The following MOCOS variants were observed in gnomAD, a reference collection of about 807,000 sequenced individuals.
MOCOS encodes the protein human molybdenum cofactor sulfurase.
Under a neutral mutation model 83.6 loss-of-function variants are expected in MOCOS, and 86 were observed. The ratio of observed to expected loss-of-function variants is 1.03; its 90% CI spans 0.86 to 1.23. MOCOS has a LOEUF of 1.23. Among genes scored for constraint, MOCOS ranks in the 50% most tolerant of loss-of-function variants. The pLI, the probability that MOCOS is intolerant of heterozygous loss-of-function variation, is 0.00. For missense variants in MOCOS, 1,120 were observed against 1,126.9 expected (o/e 0.99, Z 0.09); for synonymous variants, 445 against 434.7 (o/e 1.02, Z -0.29).
intron 7 of MOCOS, among the ~76,000 whole-genome samples, chr18:36,214,333 G>A (rs2091467666): frequency 6.6e-6 from 1 of 150,444 alleles, no homozygotes; most frequent in African/African-American, 2.4e-5. Context: ...TTTTTACTTT[G>A]AGGCCAACCA....
chr18:36,237,515 C>G (rs1297628977), intron 9 of MOCOS, among the ~76,000 whole-genome samples: 2 of 152,092 alleles, frequency 1.3e-5, no homozygotes, highest in African/African-American at 4.8e-5. Flanking sequence ...TTTTTGATGT[C>G]CTGCTGGATT....
chr18:36,271,792 C>T lies in MOCOS; in HGVS notation c.*3107C>T, dbSNP rs937449889. The T allele has an allele frequency of 6.6e-6, 1 of 152,186 alleles. No homozygotes were observed. Among genetic ancestry groups the T allele is most frequent in the African/African-American group, 2.4e-5 (1 of 41,438 alleles). 9.4% of individuals were successfully genotyped at this position (152,186 alleles called of 1,614,324 possible). On this transcript the variant is annotated 3_prime_UTR_variant, in exon 15 of 15. Transcript: ENST00000261326. Reference sequence around the variant, plus strand: ...AAGGAGGGTGGCGGTGCTGACTTCTCCCCATTGAGAGTCAGCCTCATCCCC... The same window carrying T: ...AAGGAGGGTGGCGGTGCTGACTTCTTCCCATTGAGAGTCAGCCTCATCCCC...
chr18:36,192,470 G>T (rs1448607987), intron 1 of MOCOS, among the ~76,000 whole-genome samples: 2 of 152,296 alleles, frequency 1.3e-5, no homozygotes, highest in East Asian at 3.9e-4. Flanking sequence ...TAAATGGAAA[G>T]ATATCCTGTA....
At chr18:36,231,653 C>T (rs1021523554) in intron 9 of MOCOS, among the ~76,000 whole-genome samples, 1 of 152,162 alleles carries the variant, frequency 6.6e-6, no homozygotes, top group African/African-American at 2.4e-5. Context: ...ACACTCTATG[C>T]TGATATCTTT....
intron 9 of MOCOS, among the ~76,000 whole-genome samples, chr18:36,234,225 G>T (rs1474428773): frequency 6.6e-6 from 1 of 152,160 alleles, no homozygotes; most frequent in Non-Finnish European, 1.5e-5. Flanking sequence ...GAGAGATAAG[G>T]ATCCATTTTC....
rs376541030 is a variant in MOCOS, at chr18:36,215,766, T to C, written c.1586T>C (p.Leu529Pro). The change falls in exon 8 of 15, where the codon CTC (leucine) becomes CCC (proline). Residue 529 changes from leucine to proline, a missense_variant. Transcript: ENST00000261326. ...VIPAVMGRRS[L>P]SPQEDALTGS... is the part of the protein sequence containing the mutation. ...CCTGCTGTCATGGGCAGACGTAGCC[T>C]CTCGCCTCAGGAAGATGCCCTCACA... 7 of 1,614,018 alleles carry C rather than the reference T, an allele frequency of 4.3e-6. No homozygotes were observed. Among genetic ancestry groups the C allele is most frequent in the Non-Finnish European group, 5.9e-6 (7 of 1,180,050 alleles).
At chr18:36,210,316 T>A (rs979608089) in intron 6 of MOCOS, among the ~76,000 whole-genome samples, 1 of 152,090 alleles carries the variant, frequency 6.6e-6, no homozygotes, top group Non-Finnish European at 1.5e-5. Context: ...TCCTCACTGG[T>A]GTTCAGGGCA....
intron 11 of MOCOS, among the ~76,000 whole-genome samples, chr18:36,256,337 C>T (rs1327474844): frequency 1.3e-5 from 2 of 152,232 alleles, no homozygotes; most frequent in Non-Finnish European, 2.9e-5. Flanking sequence ...TGCCTTGCTC[C>T]GTCCTATCCA....
intron 8 of MOCOS, among the ~76,000 whole-genome samples, chr18:36,216,974 G>A (rs542038951): frequency 6.6e-5 from 10 of 152,268 alleles, no homozygotes; most frequent in African/African-American, 2.4e-4. Context: ...CCCACCTTAA[G>A]AGACATTTAG....
intron 1 of MOCOS, among the ~76,000 whole-genome samples, chr18:36,191,393 G>T (rs1327053634): frequency 6.6e-6 from 1 of 152,194 alleles, no homozygotes; most frequent in South Asian, 2.1e-4. Flanking sequence ...AGAGTCAATT[G>T]CTGTCACTCA....
chr18:36,254,168 C>G (rs1022407958), intron 11 of MOCOS, among the ~76,000 whole-genome samples: 10 of 152,184 alleles, frequency 6.6e-5, no homozygotes, highest in African/African-American at 2.4e-4. Flanking sequence ...CTCTGGCAGT[C>G]TAAGCCATTG....
chr18:36,216,339 T>C lies in MOCOS; in HGVS notation c.1797+362T>C, dbSNP rs150847286. Reference sequence around the variant, plus strand: ...AGATAGTAATATTATCCCTATTTTATAGATATGGAGCCTGAGGGTTTTGAG... The same window carrying C: ...AGATAGTAATATTATCCCTATTTTACAGATATGGAGCCTGAGGGTTTTGAG... On this transcript the variant is annotated intron_variant, in intron 8 of 14. Transcript: ENST00000261326. Among the ~76,000 whole-genome samples, 3 of 152,220 alleles carry C rather than the reference T, an allele frequency of 2.0e-5. No individual in the cohort carries two copies. In the South Asian group the frequency reaches 6.2e-4, roughly 31 times the overall value.
intron 6 of MOCOS, among the ~76,000 whole-genome samples, chr18:36,211,142 G>A (rs1056340604): frequency 6.6e-6 from 1 of 152,154 alleles, no homozygotes; most frequent in Non-Finnish European, 1.5e-5. Context: ...GGAACTTCAC[G>A]ATATGGGAAT....
At chr18:36,197,554 CAGG>C (rs1442917523) in intron 2 of MOCOS, among the ~76,000 whole-genome samples, 1 of 151,952 alleles carries the variant, frequency 6.6e-6, no homozygotes, top group Non-Finnish European at 1.5e-5. Context: ...TGCTTGAGCC[CAGG>C]AGTTCAAGAC....
At chr18:36,259,091 G>A (rs573950321) in intron 12 of MOCOS, among the ~76,000 whole-genome samples, 1 of 149,038 alleles carries the variant, frequency 6.7e-6, no homozygotes, top group African/African-American at 2.4e-5. Flanking sequence ...GGTGGGGGGT[G>A]CAGAGGGCCA....
In MOCOS at chr18:36,207,182, G is replaced by A. The variant is rs1568052160; in HGVS notation, c.1218+1906G>A. On this transcript the variant is annotated intron_variant, in intron 6 of 14. Transcript: ENST00000261326. ...CTCTCAAGTAGTTGGAATTACAGAT[G>A]TGCACCACTACGCCCGGTTAATTTT... 3.3e-5 allele frequency among the ~76,000 whole-genome samples: 5 copies of A among 152,052 alleles called. No individual in the cohort carries two copies. The South Asian group carries it at 1.0e-3, about 31-fold the overall frequency.
rs2091489804 is a variant in MOCOS, at chr18:36,219,929, C to T, written c.1798-126C>T. The T allele has an allele frequency of 5.7e-6, 7 of 1,231,540 alleles. No homozygotes were observed. The South Asian group carries it at 7.5e-5, about 13-fold the overall frequency. 76.3% of individuals were successfully genotyped at this position (1,231,540 alleles called of 1,614,324 possible). On this transcript the variant is annotated intron_variant, in intron 8 of 14. Transcript: ENST00000261326. ...CTGTTTTAGTTTCTTCTCTTCCTCC[C>T]TTTCTTCCTTCCAGTGTAGGTGCTG...
chr18:36,187,825 T>C, intron 1 of MOCOS, 144 bp downstream of exon 1: 2 of 945,330 alleles, frequency 2.1e-6, no homozygotes, highest in African/African-American at 1.7e-5. Context: ...CGCGTCCTCC[T>C]AGTAGACACG....
chr18:36,244,743 T>G (rs2091596577), intron 9 of MOCOS, among the ~76,000 whole-genome samples: 2 of 152,152 alleles, frequency 1.3e-5, no homozygotes, highest in Admixed American at 1.3e-4. Context: ...ATTATTGTGT[T>G]GTCATGTATC....
Sources: allele counts gnomAD v4.1 joint callset (sites outside exome capture counted in the v4.1 genomes callset), GRCh38; gene constraint gnomAD v4.1.1; transcripts MANE v1.5; gene names NCBI Gene and HGNC (gene_info 2026-07-23, HGNC 2026-07-21).